Variants in ASIC2 observed in about 807,000 individuals in gnomAD.
The protein encoded by ASIC2 is acid-sensing ion channel 2.
In ASIC2, 25 loss-of-function variants were observed where a neutral mutation model predicts 57.3. That is an observed-to-expected ratio of 0.44 (90% CI 0.32 to 0.61). The LOEUF (loss-of-function observed/expected upper bound fraction) is 0.61, where lower values mean the gene tolerates loss of function less well. Ranked by LOEUF, ASIC2 falls within the 20% of genes least tolerant of loss-of-function variation. The pLI is 0.06. For synonymous variants in ASIC2, 319 were observed against 307.5 expected, an observed-to-expected ratio of 1.04 and a Z score of -0.39; for missense variants, 641 against 738.1, an observed-to-expected ratio of 0.87 and a Z score of 1.52.
At chr17:34,147,944 A>AT (rs1216880581) in intron 1 of ASIC2, among the ~76,000 whole-genome samples, 14 of 152,234 alleles carry the variant, frequency 9.2e-5, no homozygotes, top group Admixed American at 7.9e-4. Context: ...TCTTTGGGAG[A>AT]TTTTTTAATG....
chr17:33,839,457 C>T (rs1041980395), intron 1 of ASIC2, among the ~76,000 whole-genome samples: 24 of 152,312 alleles, frequency 1.6e-4, no homozygotes, highest in Middle Eastern at 3.4e-3. Flanking sequence ...CCCATTGTGG[C>T]AGTCATTTAT....
At chr17:33,960,374 T>C (rs1904880711) in intron 1 of ASIC2, among the ~76,000 whole-genome samples, 2 of 152,226 alleles carry the variant, frequency 1.3e-5, no homozygotes, top group African/African-American at 2.4e-5. Context: ...CAAACCACTT[T>C]GAGTTGTGTT....
chr17:33,685,388 TTC>T (rs942696596), intron 1 of ASIC2, among the ~76,000 whole-genome samples: 4 of 152,172 alleles, frequency 2.6e-5, no homozygotes, highest in African/African-American at 9.7e-5. Context: ...GCCAGAAGGC[TTC>T]TGTCTCCACT....
intron 1 of ASIC2, among the ~76,000 whole-genome samples, chr17:33,560,199 C>A (rs1333945740): frequency 6.6e-6 from 1 of 152,226 alleles, no homozygotes. Context: ...AGGCAATCAT[C>A]AATTTGCTAA....
intron 1 of ASIC2, among the ~76,000 whole-genome samples, chr17:33,593,681 A>T (rs1037540201): frequency 1.3e-5 from 2 of 152,240 alleles, no homozygotes; most frequent in African/African-American, 4.8e-5. Context: ...TAGGCACTTC[A>T]TCTGAATAAG....
At chr17:33,247,295 C>A (rs1908723330) in intron 1 of ASIC2, among the ~76,000 whole-genome samples, 5 of 152,022 alleles carry the variant, frequency 3.3e-5, no homozygotes, top group Admixed American at 3.3e-4. Flanking sequence ...TATTTTACAA[C>A]AAAAAATTAT....
At chr17:33,126,828 C>T (rs2092324786) in intron 1 of ASIC2, among the ~76,000 whole-genome samples, 2 of 148,102 alleles carry the variant, frequency 1.4e-5, no homozygotes, top group African/African-American at 2.5e-5. Context: ...ACATGTCAGG[C>T]GAACCTCCCA....
chr17:33,213,317 C>T (rs1024233914), intron 1 of ASIC2, among the ~76,000 whole-genome samples: 2 of 152,114 alleles, frequency 1.3e-5, no homozygotes, highest in South Asian at 2.1e-4. Flanking sequence ...CCTGGTGGTT[C>T]GTAGATCTGA....
intron 1 of ASIC2, among the ~76,000 whole-genome samples, chr17:33,535,152 C>CTGAA (rs1915185911): frequency 6.6e-6 from 1 of 152,160 alleles, no homozygotes; most frequent in African/African-American, 2.4e-5. Flanking sequence ...CTTGCAAAGA[C>CTGAA]TGAATCTGTG....
At chr17:33,676,622 T>C (rs1373118146) in intron 1 of ASIC2, among the ~76,000 whole-genome samples, 1 of 152,226 alleles carries the variant, frequency 6.6e-6, no homozygotes, top group Non-Finnish European at 1.5e-5. Context: ...GTGAGGAAGC[T>C]GCAGAAGTAG....
At chr17:33,846,442 A>T (rs1913604679) in intron 1 of ASIC2, among the ~76,000 whole-genome samples, 2 of 152,134 alleles carry the variant, frequency 1.3e-5, no homozygotes, top group Non-Finnish European at 2.9e-5. Context: ...TCTGATTGCC[A>T]AGCCCTTCAT....
chr17:33,388,547 G>C (rs1289619612), intron 1 of ASIC2, among the ~76,000 whole-genome samples: 2 of 152,154 alleles, frequency 1.3e-5, no homozygotes, highest in Non-Finnish European at 2.9e-5. Context: ...GCATATTCAT[G>C]GATGGTCTTT....
At chr17:33,715,445 C>T (rs1216815187) in intron 1 of ASIC2, among the ~76,000 whole-genome samples, 1 of 152,178 alleles carries the variant, frequency 6.6e-6, no homozygotes, top group African/African-American at 2.4e-5. Flanking sequence ...GCCCTGGCCG[C>T]TGAGACAAGC....
intron 1 of ASIC2, among the ~76,000 whole-genome samples, chr17:33,268,332 A>G (rs7209769): frequency 0.35 from 52,804 of 149,658 alleles, 9,277 homozygotes; most frequent in Admixed American, 0.43. Context: ...TCATCCATCC[A>G]TCTTTCCATC....
At chr17:33,141,771 T>G (rs1405865950) in intron 1 of ASIC2, among the ~76,000 whole-genome samples, 1 of 152,158 alleles carries the variant, frequency 6.6e-6, no homozygotes, top group Non-Finnish European at 1.5e-5. Context: ...GAGTAGGAGG[T>G]TGACCTGAGC....
chr17:33,189,758 T>C (rs1170796278), intron 1 of ASIC2, among the ~76,000 whole-genome samples: 1 of 152,114 alleles, frequency 6.6e-6, no homozygotes, highest in Non-Finnish European at 1.5e-5. Context: ...ATAATAATAA[T>C]AAACCTGTAT....
At chr17:34,040,557 A>T (rs1908092289) in intron 1 of ASIC2, among the ~76,000 whole-genome samples, 1 of 152,156 alleles carries the variant, frequency 6.6e-6, no homozygotes, top group Non-Finnish European at 1.5e-5. Context: ...CAGAGGCAGA[A>T]AGTAAGGGTT....
At chr17:33,137,354 A>G (rs2092370804) in intron 1 of ASIC2, among the ~76,000 whole-genome samples, 1 of 152,222 alleles carries the variant, frequency 6.6e-6, no homozygotes, top group African/African-American at 2.4e-5. Context: ...GGCAGAGCAT[A>G]CACCACTTCT....
At chr17:33,440,089 A>G (rs1221751607) in intron 1 of ASIC2, among the ~76,000 whole-genome samples, 1 of 152,232 alleles carries the variant, frequency 6.6e-6, no homozygotes, top group African/African-American at 2.4e-5. Flanking sequence ...AATCATCATA[A>G]TCCAGCCTTA....
Sources: allele counts gnomAD v4.1 joint callset (sites outside exome capture counted in the v4.1 genomes callset), GRCh38; gene constraint gnomAD v4.1.1; transcripts MANE v1.5; gene names NCBI Gene and HGNC (gene_info 2026-07-23, HGNC 2026-07-21).